The following ICA1 variants were observed in gnomAD, a reference collection of about 807,000 sequenced individuals.
ICA1 encodes islet cell autoantigen 1, also known as 69 kDa islet cell autoantigen.
In ICA1, 40 loss-of-function variants were observed where a neutral mutation model predicts 71.0. That is an observed-to-expected ratio of 0.56 (90% CI 0.44 to 0.73). ICA1 has a LOEUF of 0.73. Ranked by LOEUF, ICA1 falls within the 30% of genes least tolerant of loss-of-function variation. The pLI, the probability that ICA1 is intolerant of heterozygous loss-of-function variation, is 0.00. For synonymous variants in ICA1, 207 were observed against 209.5 expected, an observed-to-expected ratio of 0.99 and a Z score of 0.10; for missense variants, 578 against 576.5, an observed-to-expected ratio of 1.00 and a Z score of -0.03.
chr7:8,197,725 G>C (rs547553832), intron 6 of ICA1, among the ~76,000 whole-genome samples: 1 of 151,830 alleles, frequency 6.6e-6, no homozygotes, highest in South Asian at 2.1e-4. Context: ...AAAGAAGATG[G>C]GAAAAGAGCT....
intron 6 of ICA1, among the ~76,000 whole-genome samples, chr7:8,212,320 T>C (rs1794056779): frequency 6.6e-6 from 1 of 152,134 alleles, no homozygotes. Flanking sequence ...CTCCCAGCAC[T>C]TTGGGAGGCC....
chr7:8,232,525 T>C (rs1391706980), intron 3 of ICA1, 65 bp downstream of exon 3: 2 of 1,374,980 alleles, frequency 1.5e-6, no homozygotes, highest in Admixed American at 2.8e-5. Context: ...CCTCAGTGAG[T>C]ATACTCTAGG....
chr7:8,234,217 CA>C lies in ICA1; in HGVS notation c.18-1463del, dbSNP rs1801136682. 2.0e-5 allele frequency among the ~76,000 whole-genome samples: 3 copies of C among 150,696 alleles called. No homozygotes were observed. The South Asian group carries it at 6.3e-4, about 31-fold the overall frequency. ...GGATACGGGGCGAGACCCTGTCCCT[CA>C]AAAAAGAAAAAAGAGAAGAAAAAAG... On this transcript the variant is annotated intron_variant, in intron 2 of 13. Coordinates refer to ENST00000402384, the MANE Select transcript of ICA1 (RefSeq NM_001136020.3). This position sits in a 1 kb window ranked among gnomAD's most constrained non-coding sequence, Gnocchi z 4.5.
At chr7:8,178,865 A>C (rs1394645883) in intron 6 of ICA1, among the ~76,000 whole-genome samples, 1 of 152,134 alleles carries the variant, frequency 6.6e-6, no homozygotes, top group African/African-American at 2.4e-5. Context: ...ACAGCATTTC[A>C]GCGTTTTAGC....
At chr7:8,163,783 T>C (rs1804801449) in intron 6 of ICA1, among the ~76,000 whole-genome samples, 1 of 152,128 alleles carries the variant, frequency 6.6e-6, no homozygotes, top group South Asian at 2.1e-4. Context: ...TCAGTGTAGC[T>C]GCGTTGCTCA....
intron 6 of ICA1, among the ~76,000 whole-genome samples, chr7:8,171,844 C>A (rs939618842): frequency 6.6e-6 from 1 of 151,882 alleles, no homozygotes; most frequent in Non-Finnish European, 1.5e-5. Flanking sequence ...TGATTTCCCT[C>A]GTGACATCTT....
chr7:8,128,107 C>T lies in ICA1; in HGVS notation c.1096G>A (p.Glu366Lys). Residue 366 changes from glutamate to lysine, a missense_variant, in exon 13 of 14, where the codon GAA becomes AAA. Glu to Lys is a moderately conservative substitution (Grantham distance 56, BLOSUM62 1). Transcript: ENST00000402384. Reference sequence around the variant, plus strand: ...AGCAGGTCATCTTTGTCAGCACCTTCAGGTTCCGGGGTCCCTGCCACTGGT... The same window carrying T: ...AGCAGGTCATCTTTGTCAGCACCTTTAGGTTCCGGGGTCCCTGCCACTGGT... ...LGPVAGTPEP[E>K]GADKDDLLLL... The T allele has an allele frequency of 1.2e-6, 2 of 1,614,208 alleles. No homozygotes were observed. Among genetic ancestry groups the T allele is most frequent in the Non-Finnish European group, 1.7e-6 (2 of 1,180,034 alleles).
chr7:8,244,218 C>T (rs1459611311), intron 1 of ICA1, among the ~76,000 whole-genome samples: 1 of 152,086 alleles, frequency 6.6e-6, no homozygotes, highest in Non-Finnish European at 1.5e-5. Context: ...GAGATATAGA[C>T]CAATGGAACA....
At chr7:8,206,083 C>G (rs1443734266) in intron 6 of ICA1, among the ~76,000 whole-genome samples, 1 of 152,014 alleles carries the variant, frequency 6.6e-6, no homozygotes, top group East Asian at 1.9e-4. Context: ...CATGTTCCTT[C>G]TAGGACAGAA....
chr7:8,213,984 G>A (rs926803053), intron 6 of ICA1, among the ~76,000 whole-genome samples: 1 of 152,182 alleles, frequency 6.6e-6, no homozygotes, highest in Non-Finnish European at 1.5e-5. Context: ...GAATTATGGT[G>A]ATGAAACACT....
rs761262471 is a variant in ICA1 at position 8,181,650 on chromosome 7, T to A, written c.580-22998A>T. On this transcript the variant is annotated intron_variant, in intron 6 of 13. Transcript: ENST00000402384. ...AACCTGCTTTAATTTTCCTAAGCAA[T>A]GTTTTGCAGTTTTAGTATAGAAGTC... is the stretch of plus-strand genomic sequence containing the variant. Among the ~76,000 whole-genome samples, 5 of 152,294 alleles carry A rather than the reference T, an allele frequency of 3.3e-5. No individual in the cohort carries two copies. In the East Asian group the frequency reaches 9.6e-4, roughly 29 times the overall value.
intron 5 of ICA1, 94 bp from the exon 6 acceptor site, chr7:8,218,597 A>G: frequency 1.0e-6 from 1 of 959,054 alleles, no homozygotes; most frequent in African/African-American, 1.6e-5. Flanking sequence ...TGAGTCTAGA[A>G]CAGTACCTGG....
At chr7:8,169,270 CT>C (rs1807370412) in intron 6 of ICA1, among the ~76,000 whole-genome samples, 1 of 151,958 alleles carries the variant, frequency 6.6e-6, no homozygotes, top group Admixed American at 6.6e-5. Flanking sequence ...TTTTTTGGCT[CT>C]TTTGTTTATT....
intron 4 of ICA1, among the ~76,000 whole-genome samples, chr7:8,221,914 G>A (rs1452953630): frequency 2.6e-5 from 4 of 152,090 alleles, no homozygotes; most frequent in African/African-American, 9.7e-5. Context: ...GGAGGGTGGG[G>A]AGGTCATCAG....
chr7:8,253,142 T>C (rs1356204810), intron 1 of ICA1, among the ~76,000 whole-genome samples: 1 of 152,266 alleles, frequency 6.6e-6, no homozygotes, highest in African/African-American at 2.4e-5. Context: ...AAAAAAGAGC[T>C]AGAAATTAAT....
intron 6 of ICA1, among the ~76,000 whole-genome samples, chr7:8,171,267 T>A (rs1808233540): frequency 6.6e-6 from 1 of 151,926 alleles, no homozygotes. Context: ...TGAAGCCATA[T>A]AGAACTGAGG....
intron 3 of ICA1, among the ~76,000 whole-genome samples, chr7:8,230,306 T>C (rs1418233349): frequency 6.6e-6 from 1 of 152,226 alleles, no homozygotes; most frequent in East Asian, 1.9e-4. Context: ...ATCTGACCAA[T>C]ATTATAGCTT....
chr7:8,219,951 C>T (rs1796546218), intron 5 of ICA1, among the ~76,000 whole-genome samples: 1 of 152,034 alleles, frequency 6.6e-6, no homozygotes, highest in South Asian at 2.1e-4. Context: ...TTTTAGGAAT[C>T]AATTATTCTT....
At chr7:8,240,442 A>G (rs1803399744) in intron 1 of ICA1, among the ~76,000 whole-genome samples, 1 of 152,184 alleles carries the variant, frequency 6.6e-6, no homozygotes, top group African/African-American at 2.4e-5. Flanking sequence ...AAGGGTAGAT[A>G]AAACCAGAGC....
Sources: gnomAD v4.1 joint callset for allele counts (sites outside exome capture counted in the v4.1 genomes callset) on GRCh38, gnomAD v4.1.1 for gene constraint, Gnocchi (gnomAD v3.1) non-coding constraint, MANE v1.5 for transcripts, NCBI Gene and HGNC (gene_info 2026-07-23, HGNC 2026-07-21) for gene names.